CEP41: variants seen among roughly 807,000 people sequenced by gnomAD.
The protein encoded by CEP41 is centrosomal protein 41, also known as centrosomal protein of 41 kDa.
A neutral mutation model predicts 44.3 loss-of-function variants in CEP41; 32 were observed. That is an observed-to-expected ratio of 0.72 (90% CI 0.54 to 0.97). CEP41 has a LOEUF of 0.97. Among genes scored for constraint, CEP41 ranks in the 50% least tolerant of loss-of-function variants. The pLI is 0.00. For synonymous variants in CEP41, 151 were observed against 168.5 expected (o/e 0.90, Z 0.80); for missense variants, 432 against 455.2 (o/e 0.95, Z 0.46).
intron 5 of CEP41, among the ~76,000 whole-genome samples, chr7:130,410,638 A>G (rs1306901116): frequency 3.9e-5 from 6 of 152,220 alleles, no homozygotes; most frequent in Non-Finnish European, 7.3e-5. Flanking sequence ...TTCACCTTGC[A>G]ATATACAGCC....
At chr7:130,426,812 A>G (rs1299531359) in intron 2 of CEP41, 9 of 352,528 alleles carry the variant, frequency 2.6e-5, no homozygotes, top group Non-Finnish European at 3.8e-5. Flanking sequence ...TGACTTCCTC[A>G]TCCTGTATAT....
Position 130,416,608 on chromosome 7 carries a change from T to G in CEP41, c.145+311A>C, listed in dbSNP as rs78504485. 5.0e-3 allele frequency among the ~76,000 whole-genome samples: 764 copies of G among 152,346 alleles called. 6 individuals carry two copies. Among genetic ancestry groups the G allele is most frequent in the African/African-American group, 0.017 (707 of 41,592 alleles). On this transcript the variant is annotated intron_variant, in intron 3 of 10. Transcript: ENST00000223208. The stretch of plus-strand genomic sequence containing the variant: ...AGATGAAATATCTTGAAGAAGGGCA[T>G]GAAGACTGCAGTACAATGACACTAG...
intron 3 of CEP41, among the ~76,000 whole-genome samples, chr7:130,416,314 T>G (rs1376196413): frequency 6.6e-6 from 1 of 152,234 alleles, no homozygotes; most frequent in Non-Finnish European, 1.5e-5. Flanking sequence ...TTACATCAGT[T>G]TTGGATGCAG....
intron 3 of CEP41, among the ~76,000 whole-genome samples, chr7:130,415,084 A>G (rs1554420592): frequency 6.6e-6 from 1 of 152,196 alleles, no homozygotes; most frequent in Non-Finnish European, 1.5e-5. Flanking sequence ...TAGAGTGTCT[A>G]TTTTCCCCAG....
intron 2 of CEP41, chr7:130,419,527 G>A (rs1284049115): frequency 1.0e-6 from 1 of 984,208 alleles, no homozygotes; most frequent in African/African-American, 1.8e-5. Flanking sequence ...TTATAAACAT[G>A]GCTTTGTTTC....
At chr7:130,403,613 T>C (rs1554417507) in intron 6 of CEP41, among the ~76,000 whole-genome samples, 1 of 152,216 alleles carries the variant, frequency 6.6e-6, no homozygotes, top group East Asian at 1.9e-4. Flanking sequence ...TTAGGAAATA[T>C]TAAGACTCAT....
Position 130,395,210 on chromosome 7 carries a change from A to G in CEP41, c.*3681T>C, listed in dbSNP as rs1388344632. 1.5e-5 allele frequency: 7 copies of G among 452,230 alleles called. No individual in the cohort carries two copies. Among genetic ancestry groups the G allele is most frequent in the Non-Finnish European group, 2.7e-5 (6 of 225,486 alleles). 28.0% of individuals were successfully genotyped at this position (452,230 alleles called of 1,614,324 possible). On this transcript the variant is annotated 3_prime_UTR_variant, in exon 11 of 11. Coordinates refer to ENST00000223208, the MANE Select transcript of CEP41 (RefSeq NM_018718.3). ...TAGGAAAGTATTACTACCCAAATGT[A>G]TTCTGAACATTTTGGAAGCACAATG...
intron 3 of CEP41, among the ~76,000 whole-genome samples, chr7:130,414,961 C>T (rs1797290433): frequency 1.3e-5 from 2 of 152,064 alleles, no homozygotes; most frequent in Non-Finnish European, 2.9e-5. Flanking sequence ...CTGTCTCTCT[C>T]GAGTTACTGG....
intron 1 of CEP41, among the ~76,000 whole-genome samples, chr7:130,439,495 T>C (rs1395554435): frequency 6.6e-6 from 1 of 152,214 alleles, no homozygotes; most frequent in East Asian, 1.9e-4. Flanking sequence ...TGTAACTTTG[T>C]GCCCTTGGAT....
At position 130,397,398 on chromosome 7, in the gene CEP41, C is replaced by G. The variant is rs1488479006; in HGVS notation, c.*1493G>C. The G allele has an allele frequency of 2.0e-5, 9 of 450,280 alleles. No homozygotes were observed. Among genetic ancestry groups the G allele is most frequent in the South Asian group, 1.3e-4 (8 of 63,904 alleles). 27.9% of individuals were successfully genotyped at this position (450,280 alleles called of 1,614,324 possible). A position where few individuals can be genotyped will look rare whatever the true frequency, so the allele number is the denominator to read the frequency against. Reference sequence around the variant, plus strand: ...AGAGAAGAATAAACACACTCTAAAACAGAACTGGGCTGAATCTGAAAGTTA... The same window carrying G: ...AGAGAAGAATAAACACACTCTAAAAGAGAACTGGGCTGAATCTGAAAGTTA... On this transcript the variant is annotated 3_prime_UTR_variant, in exon 11 of 11. Transcript: ENST00000223208.
chr7:130,416,513 A>T (rs1205376754), intron 3 of CEP41, among the ~76,000 whole-genome samples: 1 of 152,234 alleles, frequency 6.6e-6, no homozygotes, highest in Non-Finnish European at 1.5e-5. Flanking sequence ...TCTCATTTAT[A>T]CACACAAGAA....
intron 2 of CEP41, chr7:130,421,461 T>A (rs954324737): frequency 5.1e-6 from 5 of 985,008 alleles, no homozygotes; most frequent in African/African-American, 1.7e-5. Flanking sequence ...CTTTCTGGTT[T>A]ATAAAAGCCT....
intron 6 of CEP41, among the ~76,000 whole-genome samples, chr7:130,404,275 G>C (rs1554417698): frequency 1.3e-5 from 2 of 152,104 alleles, no homozygotes; most frequent in South Asian, 2.1e-4. Context: ...TATTTGTAAA[G>C]CTAATTCCTC....
In CEP41 at chr7:130,440,962, G is replaced by A. The variant is rs782137799; in HGVS notation, c.5C>T (p.Ser2Phe). ...AGGGTTCCCAATGTGCCTCCGGAGG[G>A]ACATATTTTCTCCAACCGACCACGT... M[S>F]LRRHIGNPEY... The change falls in exon 1 of 11, where the codon TCC becomes TTC. Residue 2 changes from serine to phenylalanine, a missense_variant. Physicochemically the swap from Ser to Phe is radical, Grantham distance 155 (BLOSUM62 -2). Coordinates refer to ENST00000223208, the MANE Select transcript of CEP41 (RefSeq NM_018718.3). The A allele has an allele frequency of 1.2e-4, 195 of 1,612,840 alleles. 5 individuals are homozygous for A. Among genetic ancestry groups the A allele is most frequent in the South Asian group, 8.9e-4 (81 of 91,082 alleles).
intron 2 of CEP41, chr7:130,421,808 G>GGA: frequency 3.0e-6 from 4 of 1,325,518 alleles, no homozygotes; most frequent in Non-Finnish European, 3.8e-6. Context: ...ACTAATAAAG[G>GGA]GAGAGCCCTG....
intron 5 of CEP41, among the ~76,000 whole-genome samples, chr7:130,410,026 C>CTTCTTTTTTCTTTTTT (rs1797127595): frequency 7.6e-6 from 1 of 131,850 alleles, no homozygotes; most frequent in South Asian, 2.5e-4. Flanking sequence ...CTACCTCGGT[C>CTTCTTTTTTCTTTTTT]TTCTTTTTTT....
intron 1 of CEP41, among the ~76,000 whole-genome samples, chr7:130,437,698 T>C (rs1554426428): frequency 7.6e-6 from 1 of 130,956 alleles, no homozygotes; most frequent in Non-Finnish European, 1.5e-5. Context: ...GCCCAGGAGG[T>C]CAAGGATATA....
intron 5 of CEP41, among the ~76,000 whole-genome samples, chr7:130,406,381 C>A (rs1432624313): frequency 1.3e-5 from 2 of 151,866 alleles, no homozygotes; most frequent in Non-Finnish European, 2.9e-5. Flanking sequence ...GTCAGGAGTT[C>A]GAGACCAGCC....
upstream of CEP41, among the ~76,000 whole-genome samples, chr7:130,441,393 A>G (rs1309984020): frequency 6.6e-6 from 1 of 152,194 alleles, no homozygotes; most frequent in East Asian, 1.9e-4. Context: ...GCTCCGTTTT[A>G]TGGCCGTTTC....
Sources: gnomAD v4.1 joint callset for allele counts (sites outside exome capture counted in the v4.1 genomes callset) on GRCh38, gnomAD v4.1.1 for gene constraint, MANE v1.5 for transcripts, NCBI Gene and HGNC (gene_info 2026-07-23, HGNC 2026-07-21) for gene names.